Variants in DGKI observed in about 807,000 individuals in gnomAD.
DGKI encodes diacylglycerol kinase iota.
A neutral mutation model predicts 147.5 loss-of-function variants in DGKI; 55 were observed. That is an observed-to-expected ratio of 0.37 (90% CI 0.30 to 0.47). DGKI has a LOEUF of 0.47. Among genes scored for constraint, DGKI ranks in the 20% least tolerant of loss-of-function variants. The pLI, the probability that DGKI is intolerant of heterozygous loss-of-function variation, is 1.00. For synonymous variants in DGKI, 469 were observed against 477.1 expected (o/e 0.98, Z 0.22); for missense variants, 1,007 against 1,323.8 (o/e 0.76, Z 3.71).
intron 20 of DGKI, among the ~76,000 whole-genome samples, chr7:137,545,627 G>A (rs1247352510): frequency 1.3e-5 from 2 of 152,176 alleles, no homozygotes; most frequent in African/African-American, 4.8e-5. Context: ...AAAAACCAAT[G>A]CTTAGCATGG....
At chr7:137,538,446 G>A (rs573081616) in intron 20 of DGKI, among the ~76,000 whole-genome samples, 8 of 152,208 alleles carry the variant, frequency 5.3e-5, no homozygotes, top group Middle Eastern at 3.4e-3. Flanking sequence ...TTCATGGATC[G>A]GTTTCTAACT....
chr7:137,688,541 T>C (rs530442874), intron 2 of DGKI, among the ~76,000 whole-genome samples: 46 of 152,206 alleles, frequency 3.0e-4, no homozygotes, highest in Admixed American at 2.3e-3. Flanking sequence ...CTCTAAATGA[T>C]TAAACTACCC....
intron 1 of DGKI, among the ~76,000 whole-genome samples, chr7:137,830,593 G>A (rs904250529): frequency 2.0e-5 from 3 of 152,236 alleles, no homozygotes; most frequent in Non-Finnish European, 4.4e-5. Flanking sequence ...GAAAGAGCCA[G>A]AAAAGTGAAG....
In DGKI at chr7:137,559,021, T is replaced by G. The variant is rs185719224; in HGVS notation, c.1948-6453A>C. 3.2e-4 allele frequency among the ~76,000 whole-genome samples: 48 copies of G among 151,360 alleles called. No individual in the cohort carries two copies. In the East Asian group the frequency reaches 8.7e-3, roughly 28 times the overall value. ...TTACAGTATGCTGCTACAATCACTT[T>G]CAGAACTAGCGTTTTATGATTCTAG... On this transcript the variant is annotated intron_variant, in intron 19 of 32. Coordinates refer to ENST00000614521, the MANE Select transcript of DGKI (RefSeq NM_001321708.2).
At chr7:137,454,400 C>T (rs75651135) in intron 27 of DGKI, among the ~76,000 whole-genome samples, 2,894 of 152,176 alleles carry the variant, frequency 0.019, 109 homozygotes, top group African/African-American at 0.066. Context: ...CTACTGTTAA[C>T]TTTTAAGAAC....
At chr7:137,711,885 G>C (rs879923780) in intron 1 of DGKI, among the ~76,000 whole-genome samples, 14 of 151,168 alleles carry the variant, frequency 9.3e-5, no homozygotes, top group Non-Finnish European at 1.6e-4. Flanking sequence ...GTAGAGACGG[G>C]GTTTCACCAC....
At chr7:137,444,712 T>C (rs1204507010) in intron 27 of DGKI, among the ~76,000 whole-genome samples, 1 of 152,226 alleles carries the variant, frequency 6.6e-6, no homozygotes, top group Admixed American at 6.5e-5. Flanking sequence ...TTTTGCAAAC[T>C]ATATGTGAGT....
rs536788820 is a variant in DGKI at position 137,388,331 on chromosome 7, C to T, written c.*2889G>A. ...TACAGAATGTTGTCTTTTAATAACT[C>T]TTCATTTTCCATTCCTCTATCAACC... is the stretch of plus-strand genomic sequence containing the variant. On this transcript the variant is annotated 3_prime_UTR_variant, in exon 33 of 33. Transcript: ENST00000614521. 4 of 152,240 alleles carry T rather than the reference C, an allele frequency of 2.6e-5. No homozygotes were observed. Among genetic ancestry groups the T allele is most frequent in the South Asian group, 2.1e-4 (1 of 4,832 alleles). 9.4% of individuals were successfully genotyped at this position (152,240 alleles called of 1,614,324 possible). A position where few individuals can be genotyped will look rare whatever the true frequency, so the allele number is the denominator to read the frequency against.
At chr7:137,814,546 G>C (rs978769751) in intron 1 of DGKI, among the ~76,000 whole-genome samples, 1 of 152,006 alleles carries the variant, frequency 6.6e-6, no homozygotes, top group Non-Finnish European at 1.5e-5. Context: ...AGCATTCTCA[G>C]ACTAGTAGCC....
intron 1 of DGKI, among the ~76,000 whole-genome samples, chr7:137,794,760 T>TA (rs1198597050): frequency 2.0e-5 from 3 of 152,248 alleles, no homozygotes; most frequent in Non-Finnish European, 4.4e-5. Context: ...GACAGATATC[T>TA]ACTCAGGTTT....
intron 12 of DGKI, among the ~76,000 whole-genome samples, chr7:137,587,891 A>G (rs1442013255): frequency 6.6e-6 from 1 of 152,236 alleles, no homozygotes; most frequent in East Asian, 1.9e-4. Flanking sequence ...CTTATATACT[A>G]GAATCATATC....
chr7:137,407,644 A>G (rs1562999712), intron 30 of DGKI, among the ~76,000 whole-genome samples: 1 of 152,116 alleles, frequency 6.6e-6, no homozygotes, highest in Non-Finnish European at 1.5e-5. Flanking sequence ...ATAGCCTGTA[A>G]AGAGCTTGGT....
intron 24 of DGKI, among the ~76,000 whole-genome samples, chr7:137,467,561 T>C (rs1165445114): frequency 6.6e-6 from 1 of 152,212 alleles, no homozygotes; most frequent in South Asian, 2.1e-4. Flanking sequence ...ACTTTCAACC[T>C]GCATCCTTAG....
At position 137,397,321 on chromosome 7, in the gene DGKI, C is replaced by T. The variant is rs1448747477; in HGVS notation, c.2957+56G>A. 9.3e-6 allele frequency: 14 copies of T among 1,513,316 alleles called. No homozygotes were observed. The East Asian group carries it at 2.3e-4, about 24-fold the overall frequency. The allele number at this position is 1,513,316 out of a possible 1,614,324, so 93.7% of individuals were successfully genotyped here. ...TATGCTCTATAGATTACATTCTTCT[C>T]CCAGATATGTTCTGAAGAAAATAAC... On this transcript the variant is annotated intron_variant, in intron 31 of 32. Transcript: ENST00000614521.
chr7:137,746,553 G>GTTGTTTGTTTGTTTGT (rs3839666), intron 1 of DGKI, among the ~76,000 whole-genome samples: 53 of 152,120 alleles, frequency 3.5e-4, no homozygotes, highest in African/African-American at 1.2e-3. Context: ...ATCCAGAGAT[G>GTTGTTTGTTTGTTTGT]TTGTTTGTTT....
chr7:137,492,336 G>A lies in DGKI; in HGVS notation c.2249-4647C>T, dbSNP rs371046726. Among the ~76,000 whole-genome samples, 7 of 152,284 alleles carry A rather than the reference G, an allele frequency of 4.6e-5. No homozygotes were observed. In the East Asian group the frequency reaches 1.4e-3, roughly 29 times the overall value. ...CCAGAAGGAACATCTGCCATCGAGAGACCAGGACATCAGGAAGACTGGCAC... is the reference window on the plus strand; with the variant it reads ...CCAGAAGGAACATCTGCCATCGAGAAACCAGGACATCAGGAAGACTGGCAC... On this transcript the variant is annotated intron_variant, in intron 21 of 32. Coordinates refer to ENST00000614521, the MANE Select transcript of DGKI (RefSeq NM_001321708.2).
chr7:137,455,490 T>C (rs1445418940), intron 27 of DGKI, among the ~76,000 whole-genome samples: 2 of 152,108 alleles, frequency 1.3e-5, no homozygotes, highest in Non-Finnish European at 2.9e-5. Flanking sequence ...GGTACTTAAC[T>C]TAAAACATTC....
At chr7:137,395,973 G>A in intron 31 of DGKI, 1 of 407,548 alleles carries the variant, frequency 2.5e-6, no homozygotes, top group Non-Finnish European at 4.5e-6. Context: ...TTTGATTTAG[G>A]TGATAGTCAA....
In DGKI at chr7:137,826,790, G is replaced by A. The variant is rs984950267; in HGVS notation, c.401+19672C>T. 5.9e-5 allele frequency among the ~76,000 whole-genome samples: 9 copies of A among 152,252 alleles called. No individual in the cohort carries two copies. The South Asian group carries it at 1.5e-3, about 25-fold the overall frequency. Reference sequence around the variant, plus strand: ...AGTGCCTAGCTCAGAGGCAAGCCACGTTCCAGAATTTTCTGTGTATTTACC... The same window carrying A: ...AGTGCCTAGCTCAGAGGCAAGCCACATTCCAGAATTTTCTGTGTATTTACC... On this transcript the variant is annotated intron_variant, in intron 1 of 32. Transcript: ENST00000614521.
Sources: gnomAD v4.1 joint callset for allele counts (sites outside exome capture counted in the v4.1 genomes callset) on GRCh38, gnomAD v4.1.1 for gene constraint, MANE v1.5 for transcripts, NCBI Gene and HGNC (gene_info 2026-07-23, HGNC 2026-07-21) for gene names.